L1CAM: variants seen among roughly 807,000 people sequenced by gnomAD.
The protein encoded by L1CAM is neural cell adhesion molecule L1.
In L1CAM, 8 loss-of-function variants were observed where a neutral mutation model predicts 93.0. The ratio of observed to expected loss-of-function variants is 0.09; its 90% CI spans 0.05 to 0.16. L1CAM has a LOEUF of 0.16. L1CAM is among the 10% of genes least tolerant of loss of function. The pLI, the probability that L1CAM is intolerant of heterozygous loss-of-function variation, is 1.00. For missense variants in L1CAM, 777 were observed against 1,073.4 expected, an observed-to-expected ratio of 0.72 and a Z score of 3.86; for synonymous variants, 453 against 453.0, an observed-to-expected ratio of 1.00 and a Z score of 0.00.
intron 22 of L1CAM, 40 bp downstream of exon 22, chrX:153,865,035 CCCCCTCCCCGTGG>C: frequency 1.7e-6 from 2 of 1,211,706 alleles, no homozygotes; most frequent in Non-Finnish European, 2.2e-6. Flanking sequence ...TGCAGCTCTG[CCCCCTCCCCGTGG>C]CCCCTCCACC....
At position 153,864,395 on chromosome X, in the gene L1CAM, G is replaced by A. The variant is rs1251395990; in HGVS notation, c.3249C>T (p.Asp1083=). 8.3e-7 allele frequency: 1 copy of A among 1,209,913 alleles called. No individual in the cohort carries two copies. The highest frequency in any genetic ancestry group is 1.1e-6 in the Non-Finnish European group (1 of 894,607). ...TAAACAAGTGGATCTCGTAGTCAGT[G>A]TCAGGCTGCAGGTCCCACTGCGTGT... ...SSYTQWDLQP[D]TDYEIHLFKE... Residue 1083 remains aspartate, a synonymous_variant, in exon 25 of 29, where the codon GAC becomes GAT. Coordinates refer to ENST00000370060, the MANE Select transcript of L1CAM (RefSeq NM_001278116.2).
In L1CAM at chrX:153,870,908, G is replaced by A; in HGVS notation, c.576C>T (p.Asn192=). ...DERVTMGQNG[N]LYFANVLTSD... ...AGGTGAGCACATTGGCAAAGTAGAG[G>A]TTGCCGTTCTGGCCCATCGTCACCC... Residue 192 remains asparagine, a synonymous_variant, in exon 7 of 29, where the codon AAC becomes AAT. Coordinates refer to ENST00000370060, the MANE Select transcript of L1CAM (RefSeq NM_001278116.2). 1 of 1,211,122 alleles carries A rather than the reference G, an allele frequency of 8.3e-7. No individual in the cohort carries two copies. The highest frequency in any genetic ancestry group is 1.1e-6 in the Non-Finnish European group (1 of 895,209).
At position 153,871,155 on chromosome X, in the gene L1CAM, G is replaced by A; in HGVS notation, c.425C>T (p.Thr142Ile). 4 of 1,208,995 alleles carry A rather than the reference G, an allele frequency of 3.3e-6. No homozygotes were observed. The highest frequency in any genetic ancestry group is 4.5e-6 in the Non-Finnish European group (4 of 894,260). ...AEGAPKWPKETVKPVEVEEGE... is the reference protein window; with the variant it reads ...AEGAPKWPKEIVKPVEVEEGE... ...TTCCTCCACCTCCACGGGCTTCACT[G>A]TCTCCTTTGGCCACTTGGGGGCACC... is the stretch of plus-strand genomic sequence containing the variant. Residue 142 changes from threonine to isoleucine, a missense_variant, in exon 6 of 29, where the codon ACA (threonine) becomes ATA (isoleucine). Physicochemically the swap from Thr to Ile is moderately conservative, Grantham distance 89 (BLOSUM62 -1). Transcript: ENST00000370060.
Position 153,867,061 on chromosome X carries a change from G to C in L1CAM, c.2201C>G (p.Thr734Arg). ...EGNETTNMVI[T>R]WKPLRWMDWN... is the part of the protein sequence containing the mutation. ...CAGCCCAGGGACTCTCACCTTCCAC[G>C]TGATGACCATATTGGTGGTCTCATT... Residue 734 changes from threonine to arginine, a missense_variant, in exon 18 of 29, where the codon ACG becomes AGG. Around this residue, in one of 5 missense-constraint regions of L1CAM, gnomAD observed 574 missense variants for 781.0 expected, o/e 0.73. Transcript: ENST00000370060. The C allele has an allele frequency of 8.3e-7, 1 of 1,208,865 alleles. No individual in the cohort carries two copies. Among genetic ancestry groups the C allele is most frequent in the Non-Finnish European group, 1.1e-6 (1 of 893,286 alleles).
chrX:153,865,867 C>T (rs2064708731), intron 19 of L1CAM, 48 bp from the exon 20 acceptor site: 2 of 904,510 alleles, frequency 2.2e-6, no homozygotes, highest in Non-Finnish European at 3.3e-6. Context: ...CTCACCCCAG[C>T]CCTGAGGCCA....
In L1CAM at chrX:153,870,907, G is replaced by C; in HGVS notation, c.577C>G (p.Leu193Val). The C allele has an allele frequency of 8.3e-7, 1 of 1,211,154 alleles. No homozygotes were observed. Among genetic ancestry groups the C allele is most frequent in the Non-Finnish European group, 1.1e-6 (1 of 895,180 alleles). Residue 193 changes from leucine (L) to valine (V), a missense_variant, in exon 7 of 29, where the codon CTC (leucine) becomes GTC (valine). Physicochemically the swap from Leu to Val is conservative, Grantham distance 32. This residue lies in a region of L1CAM where 574 missense variants were observed against 781.0 expected (regional missense o/e 0.73). Coordinates refer to ENST00000370060, the MANE Select transcript of L1CAM (RefSeq NM_001278116.2). ...GAGGTGAGCACATTGGCAAAGTAGA[G>C]GTTGCCGTTCTGGCCCATCGTCACC... ...ERVTMGQNGN[L>V]YFANVLTSDN...
intron 1 of L1CAM, among the ~76,000 whole-genome samples, chrX:153,879,257 C>G (rs1406441548): frequency 9.0e-6 from 1 of 111,093 alleles, no homozygotes; most frequent in African/African-American, 3.3e-5. Context: ...CGTAGGAAGA[C>G]AGCGCTAACC....
Position 153,869,705 on chromosome X carries a change from T to G in L1CAM, c.1124-42A>C. ...TGGGCCCATGGGCCACAGCCCGGCA[T>G]TGAGCTGCGTTGAGGCCCTTCCTCA... On this transcript the variant is annotated intron_variant, in intron 10 of 28. Transcript: ENST00000370060. The G allele has an allele frequency of 2.5e-6, 3 of 1,199,616 alleles. No individual in the cohort carries two copies. In the East Asian group the frequency reaches 8.9e-5, roughly 36 times the overall value.
chrX:153,874,986 C>T lies in L1CAM; in HGVS notation c.76+775G>A, dbSNP rs782250754. On this transcript the variant is annotated intron_variant, in intron 2 of 28. Transcript: ENST00000370060. ...CTGGCCAGTAAGTAACAGAGTGACT[C>T]ACACAGTCACCCATGTAAGGAAGTC... Among the ~76,000 whole-genome samples, 31 of 112,241 alleles carry T rather than the reference C, an allele frequency of 2.8e-4. 1 individual carries two copies. Among genetic ancestry groups the T allele is most frequent in the Non-Finnish European group, 5.3e-4 (28 of 53,216 alleles).
At position 153,870,438 on chromosome X, in the gene L1CAM, C is replaced by G. The variant is rs782721533; in HGVS notation, c.756G>C (p.Leu252=). ...CCAATGGCTGCCCCTGCAAGGCCACCAGGTGGCTGCTGGAGTTGGTGGGGA... is the reference window on the plus strand; with the variant it reads ...CCAATGGCTGCCCCTGCAAGGCCACGAGGTGGCTGCTGGAGTTGGTGGGGA... ...LLFPTNSSSH[L]VALQGQPLVL... is the part of the protein sequence containing the mutation. Residue 252 remains leucine (L), a synonymous_variant, in exon 8 of 29, where the codon CTG becomes CTC. Coordinates refer to ENST00000370060, the MANE Select transcript of L1CAM (RefSeq NM_001278116.2). The G allele has an allele frequency of 8.3e-6, 10 of 1,210,894 alleles. No homozygotes were observed. The South Asian group carries it at 1.8e-4, about 21-fold the overall frequency.
Position 153,865,044 on chromosome X carries a change from C to A in L1CAM, c.2872+44G>T, listed in dbSNP as rs201986895. ...TGTGGCTGCAGCTCTGCCCCCTCCC[C>A]GTGGCCCCTCCACCTCCCTTCCCTG... On this transcript the variant is annotated intron_variant, in intron 22 of 28. Transcript: ENST00000370060. The A allele has an allele frequency of 9.8e-5, 119 of 1,210,616 alleles. 1 individual carries two copies. The South Asian group carries it at 1.8e-3, about 19-fold the overall frequency.
In L1CAM at chrX:153,863,859, C is replaced by G. The variant is rs377079563; in HGVS notation, c.3457+24G>C. 7.4e-6 allele frequency: 9 copies of G among 1,210,500 alleles called. No individual in the cohort carries two copies. In the African/African-American group the frequency reaches 1.0e-4, roughly 14 times the overall value. On this transcript the variant is annotated intron_variant, in intron 26 of 28. Transcript: ENST00000370060. ...TCCTCTCTGCCCTCGGCTCCACCCC[C>G]GTCACGTGGGGCTCAGAGGCTACCT... is the stretch of plus-strand genomic sequence containing the variant.
At chrX:153,873,112 G>C (rs2064787141) in intron 3 of L1CAM, 116 bp downstream of exon 3, 1 of 719,498 alleles carries the variant, frequency 1.4e-6, no homozygotes, top group Non-Finnish European at 2.2e-6. Context: ...ATGGTGCTCA[G>C]GGAGAGCCGA....
rs6655267 is a variant in L1CAM, at chrX:153,884,355, A to G, written c.-109+1710T>C. 0.021 allele frequency: 14,840 copies of G among 701,703 alleles called. 1,661 individuals carry two copies. In the African/African-American group the frequency reaches 0.3, roughly 14 times the overall value. 57.8% of individuals were successfully genotyped at this position (701,703 alleles called of 1,213,427 possible). A position where few individuals can be genotyped will look rare whatever the true frequency, so the allele number is the denominator to read the frequency against. On this transcript the variant is annotated intron_variant, in intron 1 of 28. Coordinates refer to ENST00000370060, the MANE Select transcript of L1CAM (RefSeq NM_001278116.2). ...ATTGTCCTCCTGATGCTCAGCAGGG[A>G]GCTGGCAGCTGGGAACTTGGGGAGG... is the stretch of plus-strand genomic sequence containing the variant.
In L1CAM at chrX:153,862,697, G is replaced by A. The variant is rs782755015; in HGVS notation, c.3740C>T (p.Thr1247Ile). ...AAGGNDSSGA[T>I]SPINPAVALE ...GGCCACGGCAGGGTTGATGGGGGAA[G>A]TGGCCCCTGAGCTGTCATTGCCCCC... Residue 1247 changes from threonine to isoleucine, a missense_variant, in exon 29 of 29, where the codon ACT becomes ATT. Thr to Ile is a moderately conservative substitution (Grantham distance 89). This residue lies in a region of L1CAM where 110 missense variants were observed against 141.7 expected (regional missense o/e 0.78). Coordinates refer to ENST00000370060, the MANE Select transcript of L1CAM (RefSeq NM_001278116.2). 8.3e-7 allele frequency: 1 copy of A among 1,211,575 alleles called. No homozygotes were observed. Among genetic ancestry groups the A allele is most frequent in the Non-Finnish European group, 1.1e-6 (1 of 894,981 alleles).
rs201548966 is a variant in L1CAM, at chrX:153,872,718, G to A, written c.92-21C>T. 310 of 1,138,073 alleles carry A rather than the reference G, an allele frequency of 2.7e-4. 1 individual carries two copies. Among genetic ancestry groups the A allele is most frequent in the Non-Finnish European group, 3.4e-4 (284 of 830,431 alleles). 93.8% of individuals were successfully genotyped at this position (1,138,073 alleles called of 1,213,427 possible). A position where few individuals can be genotyped will look rare whatever the true frequency, so the allele number is the denominator to read the frequency against. ...CATCACTGAAGACAGGGTGGAGAGA[G>A]CGGTGGTGAGGGTGCTGCCTGGCTG... On this transcript the variant is annotated intron_variant, in intron 3 of 28. Transcript: ENST00000370060.
chrX:153,866,289 G>A (rs1243414037), intron 19 of L1CAM, among the ~76,000 whole-genome samples: 8 of 95,770 alleles, frequency 8.4e-5, no homozygotes, highest in Non-Finnish European at 1.6e-4. Context: ...CTCCAGCCTG[G>A]ATGACAGAGC....
intron 5 of L1CAM, 140 bp from the exon 6 acceptor site, chrX:153,871,319 C>T (rs1285313569): frequency 5.0e-5 from 28 of 555,865 alleles, no homozygotes; most frequent in Non-Finnish European, 8.4e-5. Context: ...AGAAACTTCA[C>T]AGAAAAGGAG....
chrX:153,882,084 G>A (rs924705746), intron 1 of L1CAM, among the ~76,000 whole-genome samples: 1 of 111,239 alleles, frequency 9.0e-6, no homozygotes, highest in South Asian at 3.8e-4. Context: ...GTTGGTTTGC[G>A]GGGGGCGGGG....
Sources: allele counts gnomAD v4.1 joint callset (sites outside exome capture counted in the v4.1 genomes callset), GRCh38; gene constraint gnomAD v4.1.1; regional missense constraint gnomAD v4.1.1; transcripts MANE v1.5; gene names NCBI Gene and HGNC (gene_info 2026-07-23, HGNC 2026-07-21).